The following DOK6 variants were observed in gnomAD, a reference collection of about 807,000 sequenced individuals.
The protein encoded by DOK6 is downstream of tyrosine kinase 6.
In DOK6, 22 loss-of-function variants were observed where a neutral mutation model predicts 44.0. That is an observed-to-expected ratio of 0.50 (90% CI 0.36 to 0.71). The LOEUF (loss-of-function observed/expected upper bound fraction) is 0.71. DOK6 is among the 30% of genes least tolerant of loss of function. DOK6 has a pLI of 0.00. For missense variants in DOK6, 340 were observed against 416.4 expected, an observed-to-expected ratio of 0.82 and a Z score of 1.60; for synonymous variants, 166 against 145.5, an observed-to-expected ratio of 1.14 and a Z score of -1.01.
At chr18:69,809,562 A>G (rs903843491) in intron 7 of DOK6, among the ~76,000 whole-genome samples, 2 of 38,660 alleles carry the variant, frequency 5.2e-5, no homozygotes, top group Non-Finnish European at 1.5e-4. Flanking sequence ...CTTCACACAC[A>G]CAGACACACA....
At chr18:69,473,329 T>C (rs1233078058) in intron 1 of DOK6, among the ~76,000 whole-genome samples, 2 of 152,242 alleles carry the variant, frequency 1.3e-5, no homozygotes, top group Non-Finnish European at 2.9e-5. Flanking sequence ...TTGTTAAATA[T>C]GGCAACCCTA....
At chr18:69,433,156 TAA>T (rs1408701526) in intron 1 of DOK6, among the ~76,000 whole-genome samples, 1 of 152,148 alleles carries the variant, frequency 6.6e-6, no homozygotes, top group African/African-American at 2.4e-5. Context: ...GAATCTAGTT[TAA>T]GTCTATATAT....
At chr18:69,446,889 C>A (rs964919953) in intron 1 of DOK6, among the ~76,000 whole-genome samples, 1 of 152,144 alleles carries the variant, frequency 6.6e-6, no homozygotes, top group Admixed American at 6.5e-5. Flanking sequence ...CCTTTGCCTA[C>A]TTTTTGATGG....
chr18:69,781,025 A>G (rs1024398097), intron 7 of DOK6, among the ~76,000 whole-genome samples: 2 of 152,192 alleles, frequency 1.3e-5, no homozygotes, highest in African/African-American at 2.4e-5. Context: ...CAGAAATATT[A>G]TGGTGCACAC....
rs554960775 is a variant in DOK6 at position 69,539,426 on chromosome 18, CCATA to C, written c.67-25057_67-25054del. Among the ~76,000 whole-genome samples, 11 of 150,244 alleles carry C rather than the reference CCATA, an allele frequency of 7.3e-5. 1 individual carries two copies. The East Asian group carries it at 2.1e-3, about 29-fold the overall frequency. On this transcript the variant is annotated intron_variant, in intron 1 of 7. Coordinates refer to ENST00000382713, the MANE Select transcript of DOK6 (RefSeq NM_152721.6). ...TTTTTGTGAAGATAAAAAAAAGTGACCATACATTTTTAATTATTTTTCTTTCTCA... is the reference window on the plus strand; with the variant it reads ...TTTTTGTGAAGATAAAAAAAAGTGACCATTTTTAATTATTTTTCTTTCTCA...
chr18:69,683,893 C>A (rs1171526105), intron 4 of DOK6, among the ~76,000 whole-genome samples: 5 of 152,200 alleles, frequency 3.3e-5, no homozygotes, highest in South Asian at 4.1e-4. Flanking sequence ...CCCAAACTCA[C>A]GTGACCTAGG....
Position 69,848,067 on chromosome 18 carries a change from T to C in DOK6, c.*6684T>C, listed in dbSNP as rs982899033. Reference sequence around the variant, plus strand: ...CACACACACACACACACACACATTTTTGGCTTTTGACCCACTCTGTGTGTT... The same window carrying C: ...CACACACACACACACACACACATTTCTGGCTTTTGACCCACTCTGTGTGTT... On this transcript the variant is annotated 3_prime_UTR_variant, in exon 8 of 8. Coordinates refer to ENST00000382713, the MANE Select transcript of DOK6 (RefSeq NM_152721.6). The C allele has an allele frequency of 3.3e-5, 5 of 150,212 alleles. No individual in the cohort carries two copies. The highest frequency in any genetic ancestry group is 1.0e-4 in the African/African-American group (4 of 40,124). The allele number at this position is 150,212 out of a possible 1,614,324, so 9.3% of individuals were successfully genotyped here.
intron 4 of DOK6, among the ~76,000 whole-genome samples, chr18:69,695,285 G>C (rs1188194800): frequency 1.3e-5 from 2 of 152,108 alleles, no homozygotes; most frequent in African/African-American, 4.8e-5. Context: ...AGATTGGAGG[G>C]GGCCCAGCAT....
chr18:69,650,427 C>T (rs907395257), intron 3 of DOK6, among the ~76,000 whole-genome samples: 3 of 152,246 alleles, frequency 2.0e-5, no homozygotes, highest in African/African-American at 7.2e-5. Flanking sequence ...TTCCCTATCA[C>T]ATATGAGCCA....
intron 1 of DOK6, among the ~76,000 whole-genome samples, chr18:69,558,300 G>T (rs1982739313): frequency 6.6e-6 from 1 of 152,086 alleles, no homozygotes; most frequent in Admixed American, 6.6e-5. Flanking sequence ...TTCTGGTACG[G>T]AGGTGGCTTT....
chr18:69,567,802 A>G (rs1256788853), intron 2 of DOK6, among the ~76,000 whole-genome samples: 1 of 152,182 alleles, frequency 6.6e-6, no homozygotes, highest in East Asian at 1.9e-4. Context: ...CACTCAAGAA[A>G]CGACAGGTAG....
intron 2 of DOK6, among the ~76,000 whole-genome samples, chr18:69,568,562 G>A (rs1369028086): frequency 1.3e-5 from 2 of 152,152 alleles, no homozygotes; most frequent in Non-Finnish European, 2.9e-5. Context: ...ATTGGCCATG[G>A]CAATGGGATG....
At chr18:69,513,381 C>T (rs62095294) in intron 1 of DOK6, among the ~76,000 whole-genome samples, 54,952 of 151,936 alleles carry the variant, frequency 0.36, 10,575 homozygotes, top group South Asian at 0.45. Context: ...CATATACTCA[C>T]GCACACACGC....
chr18:69,600,671 A>G (rs374898949), intron 3 of DOK6, among the ~76,000 whole-genome samples: 138 of 152,206 alleles, frequency 9.1e-4, no homozygotes, highest in African/African-American at 2.9e-3. Context: ...TAAAACTAGT[A>G]TTTAAAAAAA....
intron 5 of DOK6, among the ~76,000 whole-genome samples, chr18:69,715,284 C>T (rs574048672): frequency 2.9e-4 from 44 of 152,210 alleles, no homozygotes; most frequent in Middle Eastern, 3.4e-3. Flanking sequence ...ATGATGACGT[C>T]CTGGCAAAAT....
At chr18:69,435,937 C>A (rs2122433119) in intron 1 of DOK6, among the ~76,000 whole-genome samples, 1 of 151,750 alleles carries the variant, frequency 6.6e-6, no homozygotes, top group South Asian at 2.1e-4. Context: ...TCCCTTTATT[C>A]CCTGCTATGA....
Position 69,824,383 on chromosome 18 carries a change from G to A in DOK6, c.857-16861G>A, listed in dbSNP as rs559768432. Among the ~76,000 whole-genome samples the A allele has an allele frequency of 7.9e-5, 12 of 151,920 alleles. 1 individual carries two copies. The South Asian group carries it at 2.5e-3, about 32-fold the overall frequency. On this transcript the variant is annotated intron_variant, in intron 7 of 7. Transcript: ENST00000382713. ...TTTTGAGACAGGGTCTCACTCTGTT[G>A]CCCAGGCTGGAGTGCAGTGGTGTCT...
At position 69,519,001 on chromosome 18, in the gene DOK6, G is replaced by A. The variant is rs3948186; in HGVS notation, c.67-45486G>A. 8.8e-3 allele frequency among the ~76,000 whole-genome samples: 1,335 copies of A among 152,020 alleles called. 24 individuals are homozygous for A. Among genetic ancestry groups the A allele is most frequent in the African/African-American group, 0.029 (1,206 of 41,478 alleles). ...ATTTGACATGGAAAATCTTTCTTAC[G>A]CTCTGTGTGTTTCATGTCAATTGCA... is the stretch of plus-strand genomic sequence containing the variant. On this transcript the variant is annotated intron_variant, in intron 1 of 7. Transcript: ENST00000382713.
At chr18:69,512,180 G>A (rs1184251032) in intron 1 of DOK6, among the ~76,000 whole-genome samples, 1 of 147,558 alleles carries the variant, frequency 6.8e-6, no homozygotes, top group Non-Finnish European at 1.5e-5. Flanking sequence ...TCCTTGTCTC[G>A]GTACTCCCCC....
Sources: gnomAD v4.1 joint callset for allele counts (sites outside exome capture counted in the v4.1 genomes callset) on GRCh38, gnomAD v4.1.1 for gene constraint, MANE v1.5 for transcripts, NCBI Gene and HGNC (gene_info 2026-07-23, HGNC 2026-07-21) for gene names.